BCL11B: variants seen among roughly 807,000 people sequenced by gnomAD.
BCL11B encodes the protein BCL11 transcription factor B.
In BCL11B, 8 loss-of-function variants were observed where a neutral mutation model predicts 49.9. The observed-to-expected ratio is 0.16, with a 90% CI of 0.09 to 0.29. The LOEUF is 0.29. BCL11B is among the 10% of genes least tolerant of loss of function. The pLI is 1.00. For missense variants in BCL11B, 1,006 were observed against 1,351.0 expected (o/e 0.74, Z 4.00); for synonymous variants, 739 against 637.4 (o/e 1.16, Z -2.40).
At position 99,231,430 on chromosome 14, in the gene BCL11B, G is replaced by C. The variant is rs1406797180; in HGVS notation, c.555C>G (p.Cys185Trp). 2 of 1,597,314 alleles carry C rather than the reference G, an allele frequency of 1.3e-6. No individual in the cohort carries two copies. Among genetic ancestry groups the C allele is most frequent in the East Asian group, 4.5e-5 (2 of 44,490 alleles). ...CACCCGAGACCGGGCGCGCGCTGCA[G>C]CACGGCAGGGGGAGGCAGGGCGGGA... ...GALPPCLPLP[C>W]CSARPVSGDG... Residue 185 changes from cysteine to tryptophan, a missense_variant, in exon 3 of 4, where the codon TGC becomes TGG. Transcript: ENST00000357195. This position sits in a 1 kb window ranked among gnomAD's most constrained non-coding sequence, Gnocchi z 8.1.
intron 1 of BCL11B, among the ~76,000 whole-genome samples, chr14:99,266,721 G>C (rs905458621): frequency 6.6e-6 from 1 of 152,246 alleles, no homozygotes; most frequent in Non-Finnish European, 1.5e-5. Context: ...GCCATGACAC[G>C]GGCACCGAGC....
chr14:99,178,742 C>T (rs192972388), intron 3 of BCL11B, among the ~76,000 whole-genome samples: 40 of 152,314 alleles, frequency 2.6e-4, no homozygotes, highest in Admixed American at 4.6e-4. Flanking sequence ...GCTAATAACA[C>T]AAATGAAGTG....
chr14:99,248,653 C>T lies in BCL11B; in HGVS notation c.427+8818G>A, dbSNP rs1888916169. Among the ~76,000 whole-genome samples the T allele has an allele frequency of 6.6e-6, 1 of 152,200 alleles. No homozygotes were observed. Among genetic ancestry groups the T allele is most frequent in the African/African-American group, 2.4e-5 (1 of 41,448 alleles). ...GGGCAGAAAGACCTAAGCTTTCAAT[C>T]TAACAGTTTTCATTTTCACCACCAG... On this transcript the variant is annotated intron_variant, in intron 2 of 3. Transcript: ENST00000357195. The surrounding 1 kb of genome is among the most constrained non-coding windows in gnomAD (Gnocchi z 4.7).
At chr14:99,237,870 A>G (rs1253183329) in intron 2 of BCL11B, among the ~76,000 whole-genome samples, 1 of 152,172 alleles carries the variant, frequency 6.6e-6, no homozygotes, top group Non-Finnish European at 1.5e-5. Flanking sequence ...CCTGTCCAGC[A>G]TCCTTCATCA....
At position 99,201,513 on chromosome 14, in the gene BCL11B, GC is replaced by G. The variant is rs1443761394; in HGVS notation, c.641-25319del. On this transcript the variant is annotated intron_variant, in intron 3 of 3. Transcript: ENST00000357195. The stretch of plus-strand genomic sequence containing the variant: ...CTTGTCCAAGGTCACACAGCCAGAA[GC>G]CCCCACCTCCCATGACAAGGCTGCT... Among the ~76,000 whole-genome samples, 18 of 152,204 alleles carry G rather than the reference GC, an allele frequency of 1.2e-4. No homozygotes were observed. In the East Asian group the frequency reaches 3.5e-3, roughly 29 times the overall value.
At position 99,174,903 on chromosome 14, in the gene BCL11B, C is replaced by T. The variant is rs1258440614; in HGVS notation, c.1933G>A (p.Ala645Thr). The change falls in exon 4 of 4, where the codon GCG (alanine) becomes ACG (threonine). Residue 645 changes from alanine to threonine, a missense_variant. This residue lies in a region of BCL11B where 443 missense variants were observed against 499.7 expected (regional missense o/e 0.89). Transcript: ENST00000357195. The part of the protein sequence containing the change: ...DDDDAGGCGD[A>T]GAGGAVNGRG... ...CCGTTGACCGCGCCGCCCGCGCCCG[C>T]GTCCCCGCAGCCGCCCGCGTCGTCG... 7.3e-6 allele frequency: 8 copies of T among 1,094,546 alleles called. No individual in the cohort carries two copies. Among genetic ancestry groups the T allele is most frequent in the Non-Finnish European group, 7.8e-6 (7 of 898,862 alleles). The allele number at this position is 1,094,546 out of a possible 1,614,324, so 67.8% of individuals were successfully genotyped here. A position where few individuals can be genotyped will look rare whatever the true frequency, so the allele number is the denominator to read the frequency against.
chr14:99,211,017 G>A (rs567049950), intron 3 of BCL11B, among the ~76,000 whole-genome samples: 49 of 152,210 alleles, frequency 3.2e-4, no homozygotes, highest in African/African-American at 1.1e-3. Context: ...TGACGACAAT[G>A]ATCATAATAA....
intron 3 of BCL11B, among the ~76,000 whole-genome samples, chr14:99,199,683 TGC>T (rs1555378683): frequency 0.013 from 933 of 73,736 alleles, 15 homozygotes; most frequent in Middle Eastern, 0.017. Context: ...TGTGTGTGTG[TGC>T]GCGCGCGCGC....
At chr14:99,263,925 T>C (rs1260949555) in intron 1 of BCL11B, among the ~76,000 whole-genome samples, 1 of 152,068 alleles carries the variant, frequency 6.6e-6, no homozygotes, top group African/African-American at 2.4e-5. Flanking sequence ...CAAATAAAAG[T>C]CTTGACAAAT....
At chr14:99,227,645 A>C (rs1251669987) in intron 3 of BCL11B, among the ~76,000 whole-genome samples, 1 of 152,122 alleles carries the variant, frequency 6.6e-6, no homozygotes, top group Non-Finnish European at 1.5e-5. Context: ...AGAAAATAAC[A>C]CGAGCCTCGT....
chr14:99,189,483 C>T (rs780366596), intron 3 of BCL11B, among the ~76,000 whole-genome samples: 1 of 152,218 alleles, frequency 6.6e-6, no homozygotes, highest in Non-Finnish European at 1.5e-5. Context: ...TGGGCACACA[C>T]GCACACCCAC....
chr14:99,217,457 G>C (rs569480256), intron 3 of BCL11B, among the ~76,000 whole-genome samples: 1 of 151,752 alleles, frequency 6.6e-6, no homozygotes, highest in African/African-American at 2.4e-5. Flanking sequence ...CAAGGACCCT[G>C]GCAGAGGCAA....
chr14:99,249,483 A>G (rs1888938714), intron 2 of BCL11B, among the ~76,000 whole-genome samples: 1 of 152,102 alleles, frequency 6.6e-6, no homozygotes, highest in African/African-American at 2.4e-5. Context: ...TGAGCTGGTG[A>G]CTCACCGGAC....
intron 3 of BCL11B, among the ~76,000 whole-genome samples, chr14:99,193,970 G>A (rs951208347): frequency 1.4e-4 from 21 of 152,040 alleles, no homozygotes; most frequent in Non-Finnish European, 2.6e-4. Flanking sequence ...AATGAGATCC[G>A]GCCATTTTAT....
Position 99,205,251 on chromosome 14 carries a change from C to T in BCL11B, c.640+26094G>A, listed in dbSNP as rs962717403. 1.3e-5 allele frequency among the ~76,000 whole-genome samples: 2 copies of T among 152,136 alleles called. No individual in the cohort carries two copies. Among genetic ancestry groups the T allele is most frequent in the African/African-American group, 4.8e-5 (2 of 41,420 alleles). On this transcript the variant is annotated intron_variant, in intron 3 of 3. Transcript: ENST00000357195. This position sits in a 1 kb window ranked among gnomAD's most constrained non-coding sequence, Gnocchi z 5.0. ...GGTAGTGATGACGGCTCCATCCTAC[C>T]CGGCCATTTCTTCATGGAGGTGTGG...
At chr14:99,240,028 G>A (rs1392667905) in intron 2 of BCL11B, among the ~76,000 whole-genome samples, 1 of 152,174 alleles carries the variant, frequency 6.6e-6, no homozygotes, top group East Asian at 1.9e-4. Context: ...ATGGAGTCAT[G>A]GATATGAGGA....
chr14:99,172,645 T>C lies in BCL11B; in HGVS notation c.*1506A>G, dbSNP rs1452313324. 4.7e-6 allele frequency: 1 copy of C among 214,962 alleles called. No homozygotes were observed. Among genetic ancestry groups the C allele is most frequent in the Non-Finnish European group, 9.4e-6 (1 of 106,406 alleles). The allele number at this position is 214,962 out of a possible 1,614,324, so 13.3% of individuals were successfully genotyped here. On this transcript the variant is annotated 3_prime_UTR_variant, in exon 4 of 4. Coordinates refer to ENST00000357195, the MANE Select transcript of BCL11B (RefSeq NM_138576.4). ...AGTGCCAGTATTGTGAATGCCACGCTTAGCAATACTGACACTCAATCTCAG... is the reference window on the plus strand; with the variant it reads ...AGTGCCAGTATTGTGAATGCCACGCCTAGCAATACTGACACTCAATCTCAG...
At position 99,192,427 on chromosome 14, in the gene BCL11B, C is replaced by T. The variant is rs1887059669; in HGVS notation, c.641-16232G>A. On this transcript the variant is annotated intron_variant, in intron 3 of 3. Transcript: ENST00000357195. This position sits in a 1 kb window ranked among gnomAD's most constrained non-coding sequence, Gnocchi z 4.0. ...TAGGGACTGTAAACTGGGGCTGGTGCTTTCAATCAAGAAACGTGGCTCTCG... is the reference window on the plus strand; with the variant it reads ...TAGGGACTGTAAACTGGGGCTGGTGTTTTCAATCAAGAAACGTGGCTCTCG... Among the ~76,000 whole-genome samples, 1 of 152,196 alleles carries T rather than the reference C, an allele frequency of 6.6e-6. No individual in the cohort carries two copies. The highest frequency in any genetic ancestry group is 1.5e-5 in the Non-Finnish European group (1 of 68,032).
At chr14:99,178,153 G>A (rs547464072) in intron 3 of BCL11B, among the ~76,000 whole-genome samples, 3 of 152,258 alleles carry the variant, frequency 2.0e-5, no homozygotes, top group Non-Finnish European at 4.4e-5. Context: ...ACTAGAAACC[G>A]AGCCAGGCTG....
Sources: gnomAD v4.1 joint callset for allele counts (sites outside exome capture counted in the v4.1 genomes callset) on GRCh38, gnomAD v4.1.1 for gene constraint, gnomAD v4.1.1 regional missense constraint, Gnocchi (gnomAD v3.1) non-coding constraint, MANE v1.5 for transcripts, NCBI Gene and HGNC (gene_info 2026-07-23, HGNC 2026-07-21) for gene names.